Variants in CARM1 observed in about 807,000 individuals in gnomAD.
The protein encoded by CARM1 is coactivator associated arginine methyltransferase 1.
Under a neutral mutation model 72.7 loss-of-function variants are expected in CARM1, and 14 were observed. The observed-to-expected ratio is 0.19, with a 90% CI of 0.13 to 0.30. CARM1 has a LOEUF of 0.30. Among genes scored for constraint, CARM1 ranks in the 10% least tolerant of loss-of-function variants. CARM1 has a pLI of 1.00. For synonymous variants in CARM1, 333 were observed against 345.5 expected, an observed-to-expected ratio of 0.96 and a Z score of 0.40; for missense variants, 432 against 833.7, an observed-to-expected ratio of 0.52 and a Z score of 5.93.
At position 10,871,630 on chromosome 19, in the gene CARM1, C is replaced by CCTG; in HGVS notation, c.-73_-72insCTG. 6.8e-6 allele frequency: 1 copy of CCTG among 146,448 alleles called. No homozygotes were observed. Among genetic ancestry groups the CCTG allele is most frequent in the Non-Finnish European group, 1.1e-5 (1 of 95,218 alleles). 9.1% of individuals were successfully genotyped at this position (146,448 alleles called of 1,614,324 possible). A position where few individuals can be genotyped will look rare whatever the true frequency, so the allele number is the denominator to read the frequency against. On this transcript the variant is annotated 5_prime_UTR_variant, in exon 1 of 16. Coordinates refer to ENST00000327064, the MANE Select transcript of CARM1 (RefSeq NM_199141.2). The surrounding 1 kb of genome is among the most constrained non-coding windows in gnomAD (Gnocchi z 5.6). ...GCGGCGGCGGCGGCGGCGGCGGCGG[C>CCTG]GGCGGCGGCAGCGGCGGCGGCCTGG...
chr19:10,922,009 T>G lies in CARM1; in HGVS notation c.*252T>G. ...ATGTTGTGGGAGCCCTCGTCCCCCC[T>G]CCTGCCCGCTCTACCCTGACCTGGG... is the stretch of plus-strand genomic sequence containing the variant. On this transcript the variant is annotated 3_prime_UTR_variant, in exon 16 of 16. Transcript: ENST00000327064. 2.5e-6 allele frequency: 1 copy of G among 392,716 alleles called. No individual in the cohort carries two copies. The highest frequency in any genetic ancestry group is 4.4e-5 in the Admixed American group (1 of 22,718). 24.3% of individuals were successfully genotyped at this position (392,716 alleles called of 1,614,324 possible). A position where few individuals can be genotyped will look rare whatever the true frequency, so the allele number is the denominator to read the frequency against.
At chr19:10,882,538 T>C (rs919225320) in intron 1 of CARM1, among the ~76,000 whole-genome samples, 18 of 143,084 alleles carry the variant, frequency 1.3e-4, no homozygotes, top group Non-Finnish European at 1.1e-4. Context: ...CTCTGTCTTT[T>C]TTTTTTTTTT....
intron 5 of CARM1, 47 bp from the exon 6 acceptor site, chr19:10,913,830 A>C (rs1303606540): frequency 6.3e-6 from 10 of 1,581,448 alleles, no homozygotes; most frequent in Non-Finnish European, 8.6e-6. Flanking sequence ...GGAGGGCCCC[A>C]TGGCAGGAAG....
At position 10,908,075 on chromosome 19, in the gene CARM1, G is replaced by A. The variant is rs1457197793; in HGVS notation, c.383G>A (p.Arg128Gln). ...CSFYNILKTC[R>Q]GHTLERSVFS... Reference sequence around the variant, plus strand: ...TTCTACAACATCCTGAAAACCTGCCGGGGCCACACCCTGGAGCGGTCTGTG... The same window carrying A: ...TTCTACAACATCCTGAAAACCTGCCAGGGCCACACCCTGGAGCGGTCTGTG... The change falls in exon 3 of 16, where the codon CGG (arginine) becomes CAG (glutamine). Residue 128 changes from arginine to glutamine, a missense_variant. This residue lies in a region of CARM1 where 138 missense variants were observed against 192.3 expected (regional missense o/e 0.72). Transcript: ENST00000327064. 1.2e-6 allele frequency: 2 copies of A among 1,613,840 alleles called. No individual in the cohort carries two copies. The highest frequency in any genetic ancestry group is 1.7e-5 in the Admixed American group (1 of 59,982).
rs114953397 is a variant in CARM1, at chr19:10,915,380, C to G, written c.848-1027C>G. Among the ~76,000 whole-genome samples, 560 of 152,218 alleles carry G rather than the reference C, an allele frequency of 3.7e-3. 6 individuals carry two copies. The highest frequency in any genetic ancestry group is 0.012 in the African/African-American group (486 of 41,526). On this transcript the variant is annotated intron_variant, in intron 6 of 15. Coordinates refer to ENST00000327064, the MANE Select transcript of CARM1 (RefSeq NM_199141.2). This position sits in a 1 kb window ranked among gnomAD's most constrained non-coding sequence, Gnocchi z 4.6. ...GCTGCATGTGCCCCCGACGTCCCAG[C>G]AGCCAGCTTGCAGGGAGGGGGGAGG...
chr19:10,905,110 G>T (rs1420328727), intron 2 of CARM1, 34 bp downstream of exon 2: 1 of 1,606,516 alleles, frequency 6.2e-7, no homozygotes. Context: ...GGTGACACCA[G>T]CCCAAAGCGC....
In CARM1 at chr19:10,919,907, G is replaced by A; in HGVS notation, c.1137G>A (p.Leu379=). ...AAATCCCATTCAAATTCCACATGCT[G>A]CATTCAGGGCTGGTCCACGGCCTGG... ...RIEIPFKFHM[L]HSGLVHGLAF... Residue 379 remains leucine, a synonymous_variant, in exon 10 of 16, where the codon CTG becomes CTA. Coordinates refer to ENST00000327064, the MANE Select transcript of CARM1 (RefSeq NM_199141.2). 6.2e-7 allele frequency: 1 copy of A among 1,614,150 alleles called. No individual in the cohort carries two copies.
intron 1 of CARM1, among the ~76,000 whole-genome samples, chr19:10,890,273 T>TG (rs1568348261): frequency 2.0e-5 from 3 of 150,466 alleles, no homozygotes; most frequent in Non-Finnish European, 4.4e-5. Context: ...TTGTTTGTTT[T>TG]TTTTTTTTTT....
In CARM1 at chr19:10,891,798, C is replaced by T. The variant is rs546229998; in HGVS notation, c.221-13153C>T. 4.6e-5 allele frequency among the ~76,000 whole-genome samples: 7 copies of T among 152,376 alleles called. No homozygotes were observed. The East Asian group carries it at 7.7e-4, about 17-fold the overall frequency. On this transcript the variant is annotated intron_variant, in intron 1 of 15. Coordinates refer to ENST00000327064, the MANE Select transcript of CARM1 (RefSeq NM_199141.2). Reference sequence around the variant, plus strand: ...TGAAAAGTCAGTCTCTCCTTCTCTCCGCACTGCCCGTGACCTGTGGTTTCT... The same window carrying T: ...TGAAAAGTCAGTCTCTCCTTCTCTCTGCACTGCCCGTGACCTGTGGTTTCT...
chr19:10,885,623 T>C (rs574066891), intron 1 of CARM1, among the ~76,000 whole-genome samples: 1 of 152,328 alleles, frequency 6.6e-6, no homozygotes, highest in Non-Finnish European at 1.5e-5. Flanking sequence ...GGGTGCCTCT[T>C]GCAGACTGAG....
intron 1 of CARM1, among the ~76,000 whole-genome samples, chr19:10,873,602 T>C (rs1272751926): frequency 6.6e-6 from 1 of 150,870 alleles, no homozygotes; most frequent in Admixed American, 6.6e-5. Context: ...AAAAAAATTT[T>C]TTTTAGAACA....
intron 1 of CARM1, among the ~76,000 whole-genome samples, chr19:10,890,395 G>T (rs983065679): frequency 2.7e-5 from 4 of 149,472 alleles, no homozygotes; most frequent in African/African-American, 7.4e-5. Flanking sequence ...AGCCTCCCAA[G>T]TAGCTGGGAT....
chr19:10,910,774 C>T (rs1483601517), intron 4 of CARM1, among the ~76,000 whole-genome samples: 1 of 151,872 alleles, frequency 6.6e-6, no homozygotes, highest in Non-Finnish European at 1.5e-5. Flanking sequence ...CCATGTTGGC[C>T]AGGATGGTCT....
intron 1 of CARM1, among the ~76,000 whole-genome samples, chr19:10,883,413 G>A (rs370055482): frequency 6.6e-6 from 1 of 152,110 alleles, no homozygotes; most frequent in South Asian, 2.1e-4. Flanking sequence ...GGCCTTCTCC[G>A]GCACCCTCTG....
chr19:10,876,811 G>A (rs1269867235), intron 1 of CARM1, among the ~76,000 whole-genome samples: 1 of 152,244 alleles, frequency 6.6e-6, no homozygotes, highest in Non-Finnish European at 1.5e-5. Context: ...TCAGGGAGGG[G>A]TGCCGGGAAA....
chr19:10,920,800 C>G lies in CARM1; in HGVS notation c.1425-34C>G. On this transcript the variant is annotated intron_variant, in intron 12 of 15. Transcript: ENST00000327064. The surrounding 1 kb of genome is among the most constrained non-coding windows in gnomAD (Gnocchi z 5.3). ...GGGGGCGCCCCGGCCCTGCAACCCC[C>G]TTGCCCCTGCCCATGGCTCTGTCTC... The G allele has an allele frequency of 6.2e-7, 1 of 1,613,810 alleles. No homozygotes were observed. Among genetic ancestry groups the G allele is most frequent in the Non-Finnish European group, 8.5e-7 (1 of 1,179,674 alleles).
At chr19:10,880,569 A>C (rs1266493352) in intron 1 of CARM1, among the ~76,000 whole-genome samples, 1 of 126,532 alleles carries the variant, frequency 7.9e-6, no homozygotes, top group Non-Finnish European at 1.6e-5. Flanking sequence ...GCTCAGGCGG[A>C]TGTGGAACTC....
intron 1 of CARM1, among the ~76,000 whole-genome samples, chr19:10,889,735 A>T (rs1450587375): frequency 1.3e-5 from 2 of 152,148 alleles, no homozygotes; most frequent in Middle Eastern, 3.2e-3. Flanking sequence ...CCCGGATCCA[A>T]CCGTGGACCC....
In CARM1 at chr19:10,916,824, C is replaced by T. The variant is rs762870546; in HGVS notation, c.1020+47C>T. On this transcript the variant is annotated intron_variant, in intron 8 of 15. Transcript: ENST00000327064. The surrounding 1 kb of genome is among the most constrained non-coding windows in gnomAD (Gnocchi z 4.4). ...CTGCTGCAGTGATCACTTGCCATTG[C>T]TGTGCAGCTGTGCAGCCCTCAGGAA... The T allele has an allele frequency of 1.0e-5, 13 of 1,305,978 alleles. No individual in the cohort carries two copies. The South Asian group carries it at 1.7e-4, about 17-fold the overall frequency. The allele number at this position is 1,305,978 out of a possible 1,614,324, so 80.9% of individuals were successfully genotyped here.
Sources: allele counts gnomAD v4.1 joint callset (sites outside exome capture counted in the v4.1 genomes callset), GRCh38; gene constraint gnomAD v4.1.1; regional missense constraint gnomAD v4.1.1; non-coding constraint Gnocchi (gnomAD v3.1); transcripts MANE v1.5; gene names NCBI Gene and HGNC (gene_info 2026-07-23, HGNC 2026-07-21).